The following COL11A1 variants were observed in gnomAD, a reference collection of about 807,000 sequenced individuals.
COL11A1 encodes collagen alpha-1(XI) chain.
Under a neutral mutation model 265.2 loss-of-function variants are expected in COL11A1, and 74 were observed. The ratio of observed to expected loss-of-function variants is 0.28; its 90% confidence interval spans 0.23 to 0.34. COL11A1 has a LOEUF of 0.34. Among genes scored for constraint, COL11A1 ranks in the 10% least tolerant of loss-of-function variants. The probability of loss-of-function intolerance (pLI) is 1.00; values close to 1 mark genes in which losing one functional copy is unlikely to be tolerated. For missense variants in COL11A1, 2,165 were observed against 2,263.6 expected (o/e 0.96, Z 0.88); for synonymous variants, 816 against 727.6 (o/e 1.12, Z -1.96).
At chr1:102,902,425 T>C (rs961331928) in intron 54 of COL11A1, among the ~76,000 whole-genome samples, 9 of 152,168 alleles carry the variant, frequency 5.9e-5, no homozygotes, top group African/African-American at 1.7e-4. Context: ...ACATGTTAAA[T>C]GAACAAGAAT....
rs554466788 is a variant in COL11A1 at position 102,953,150 on chromosome 1, T to C, written c.3169-6194A>G. ...GGCTAAAGAACAAGGGACTTTATAA[T>C]TGTCAGATAAATAAACTATTATATC... is the stretch of plus-strand genomic sequence containing the variant. On this transcript the variant is annotated intron_variant, in intron 41 of 66. Coordinates refer to ENST00000370096, the MANE Select transcript of COL11A1 (RefSeq NM_001854.4). Among the ~76,000 whole-genome samples, 10 of 152,344 alleles carry C rather than the reference T, an allele frequency of 6.6e-5. No homozygotes were observed. In the East Asian group the frequency reaches 1.7e-3, roughly 26 times the overall value.
chr1:103,035,361 C>T (rs1250132769), intron 4 of COL11A1, among the ~76,000 whole-genome samples: 1 of 152,028 alleles, frequency 6.6e-6, no homozygotes, highest in Non-Finnish European at 1.5e-5. Flanking sequence ...TAGAATGTCT[C>T]ATTATCACCA....
intron 3 of COL11A1, among the ~76,000 whole-genome samples, chr1:103,077,278 C>G (rs1672047777): frequency 6.6e-6 from 1 of 150,510 alleles, no homozygotes; most frequent in South Asian, 2.1e-4. Flanking sequence ...ACACTACCTG[C>G]TAGTTTTGAA....
At chr1:102,936,851 T>G (rs1185319629) in intron 44 of COL11A1, among the ~76,000 whole-genome samples, 1 of 152,164 alleles carries the variant, frequency 6.6e-6, no homozygotes, top group Non-Finnish European at 1.5e-5. Flanking sequence ...AAAATTTCTA[T>G]GTAAAATCAA....
At chr1:103,024,949 C>T (rs1416098875) in intron 7 of COL11A1, among the ~76,000 whole-genome samples, 1 of 151,906 alleles carries the variant, frequency 6.6e-6, no homozygotes, top group Non-Finnish European at 1.5e-5. Flanking sequence ...TTAATTTTTA[C>T]CTACATGTAC....
intron 36 of COL11A1, among the ~76,000 whole-genome samples, chr1:102,972,405 C>G (rs1293903741): frequency 6.6e-6 from 1 of 152,024 alleles, no homozygotes; most frequent in Non-Finnish European, 1.5e-5. Flanking sequence ...GCGATCACAT[C>G]CTGGGAAGAA....
intron 48 of COL11A1, among the ~76,000 whole-genome samples, chr1:102,920,754 C>A (rs1406047108): frequency 1.3e-5 from 2 of 152,174 alleles, no homozygotes; most frequent in Admixed American, 1.3e-4. Context: ...CTTATAACAT[C>A]TTTTAGCTTT....
intron 2 of COL11A1, among the ~76,000 whole-genome samples, chr1:103,082,411 G>A (rs1419009837): frequency 1.3e-5 from 2 of 151,968 alleles, no homozygotes; most frequent in African/African-American, 4.8e-5. Flanking sequence ...AAGTCATTAA[G>A]GGGAAAGATT....
At chr1:102,905,392 A>T (rs991348565) in intron 54 of COL11A1, among the ~76,000 whole-genome samples, 8 of 147,596 alleles carry the variant, frequency 5.4e-5, no homozygotes, top group Admixed American at 2.0e-4. Flanking sequence ...AATAAAAATT[A>T]AAAAAAAAGG....
chr1:102,989,468 T>G, intron 29 of COL11A1, 50 bp downstream of exon 29: 2 of 1,148,590 alleles, frequency 1.7e-6, no homozygotes, highest in Non-Finnish European at 2.5e-6. Flanking sequence ...GGAAAAAATA[T>G]ATATATATAT....
At chr1:103,076,049 A>G (rs1671949126) in intron 3 of COL11A1, among the ~76,000 whole-genome samples, 1 of 152,176 alleles carries the variant, frequency 6.6e-6, no homozygotes, top group Non-Finnish European at 1.5e-5. Flanking sequence ...CAATTTCAAT[A>G]ATTAAAACTG....
chr1:102,951,739 C>G (rs965401529), intron 41 of COL11A1, among the ~76,000 whole-genome samples: 1 of 146,570 alleles, frequency 6.8e-6, no homozygotes, highest in Non-Finnish European at 1.5e-5. Context: ...CAGACTCCGT[C>G]TTAAAAAAAT....
intron 57 of COL11A1, among the ~76,000 whole-genome samples, chr1:102,896,689 T>C (rs1383016913): frequency 6.6e-6 from 1 of 152,140 alleles, no homozygotes; most frequent in Non-Finnish European, 1.5e-5. Flanking sequence ...AAGACAAAAA[T>C]ACAAAAGTTT....
rs779814887 is a variant in COL11A1, at chr1:102,978,906, C to T, written c.2663G>A (p.Arg888Gln). The T allele has an allele frequency of 9.3e-6, 15 of 1,614,020 alleles. No individual in the cohort carries two copies. In the Middle Eastern group the frequency reaches 4.9e-4, roughly 53 times the overall value. The change falls in exon 34 of 67, where the codon CGA becomes CAA. Residue 888 changes from arginine to glutamine, a missense_variant. By Grantham distance (43) the Arg-to-Gln change is conservative (BLOSUM62 1). Transcript: ENST00000370096. ...PRGQRGPTGP[R>Q]GSRGARGPTG... The stretch of plus-strand genomic sequence containing the variant: ...GGGACCTCTTGCACCTCTTGAACCT[C>T]GAGGACCCTGCAGATGAGAACAAAA...
intron 41 of COL11A1, among the ~76,000 whole-genome samples, chr1:102,955,420 G>A (rs915270918): frequency 2.0e-5 from 3 of 152,214 alleles, no homozygotes; most frequent in Non-Finnish European, 4.4e-5. Flanking sequence ...CTGCTATACC[G>A]CACAATTTTG....
chr1:102,928,081 G>A (rs532140507), intron 46 of COL11A1, among the ~76,000 whole-genome samples: 148 of 152,052 alleles, frequency 9.7e-4, no homozygotes, highest in Non-Finnish European at 1.8e-3. Flanking sequence ...AGTCCTATGA[G>A]AGGACCCTTC....
At chr1:103,007,719 G>T (rs1665748722) in intron 15 of COL11A1, among the ~76,000 whole-genome samples, 1 of 151,876 alleles carries the variant, frequency 6.6e-6, no homozygotes, top group Non-Finnish European at 1.5e-5. Flanking sequence ...AATTTGCCGG[G>T]CATGGTGGCG....
At chr1:102,905,089 T>C (rs1284601767) in intron 54 of COL11A1, among the ~76,000 whole-genome samples, 2 of 151,482 alleles carry the variant, frequency 1.3e-5, no homozygotes, top group Non-Finnish European at 2.9e-5. Context: ...TGGATGAAAC[T>C]GGAAACCATC....
intron 41 of COL11A1, among the ~76,000 whole-genome samples, chr1:102,952,053 CAG>C (rs1395077143): frequency 6.6e-6 from 1 of 152,036 alleles, no homozygotes; most frequent in Non-Finnish European, 1.5e-5. Context: ...CAAGAAGAGA[CAG>C]AATGCTGATT....
Sources: allele counts gnomAD v4.1 joint callset (sites outside exome capture counted in the v4.1 genomes callset), GRCh38; gene constraint gnomAD v4.1.1; transcripts MANE v1.5; gene names NCBI Gene and HGNC (gene_info 2026-07-23, HGNC 2026-07-21).